SLC22A23: variants seen among roughly 807,000 people sequenced by gnomAD.
SLC22A23 encodes ion transporter protein.
Under a neutral mutation model 61.0 loss-of-function variants are expected in SLC22A23, and 26 were observed. The ratio of observed to expected loss-of-function variants is 0.43; its 90% CI spans 0.31 to 0.59. The LOEUF (loss-of-function observed/expected upper bound fraction) is 0.59, where lower values mean the gene tolerates loss of function less well. SLC22A23 is among the 20% of genes least tolerant of loss of function. The pLI, the probability that SLC22A23 is intolerant of heterozygous loss-of-function variation, is 0.11. For synonymous variants in SLC22A23, 430 were observed against 413.9 expected (o/e 1.04, Z -0.47); for missense variants, 796 against 934.7 (o/e 0.85, Z 1.94).
At chr6:3,448,177 A>G (rs933822830) in intron 1 of SLC22A23, among the ~76,000 whole-genome samples, 1 of 152,118 alleles carries the variant, frequency 6.6e-6, no homozygotes, top group African/African-American at 2.4e-5. Context: ...TGCTGGGATT[A>G]CAGGCGTGAG....
At chr6:3,442,239 G>C (rs535598713) in intron 1 of SLC22A23, among the ~76,000 whole-genome samples, 76 of 152,286 alleles carry the variant, frequency 5.0e-4, no homozygotes, top group African/African-American at 1.8e-3. Context: ...AGAGGCAGAA[G>C]GTAGCGTGGG....
intron 3 of SLC22A23, among the ~76,000 whole-genome samples, chr6:3,408,001 G>T (rs1768949505): frequency 6.6e-6 from 1 of 152,162 alleles, no homozygotes; most frequent in East Asian, 1.9e-4. Context: ...TGGCCCACTG[G>T]CCAAATTTGG....
At position 3,360,247 on chromosome 6, in the gene SLC22A23, A is replaced by G. The variant is rs1261697785; in HGVS notation, c.914-36245T>C. Among the ~76,000 whole-genome samples the G allele has an allele frequency of 6.6e-6, 1 of 152,214 alleles. No homozygotes were observed. The highest frequency in any genetic ancestry group is 1.5e-5 in the Non-Finnish European group (1 of 68,040). ...AATGGTACAATTAAAAGTAGTTAAA[A>G]TGGTAATTTTTATGCTATGTTTATT... On this transcript the variant is annotated intron_variant, in intron 3 of 9. Transcript: ENST00000406686. The surrounding 1 kb of genome is among the most constrained non-coding windows in gnomAD (Gnocchi z 4.6).
chr6:3,445,096 C>A (rs186563625), intron 1 of SLC22A23: 1 of 443,842 alleles, frequency 2.3e-6, no homozygotes, highest in Non-Finnish European at 3.0e-6. Context: ...CAGCACTGAC[C>A]GCATTCTACC....
chr6:3,301,699 G>C (rs979226551), intron 4 of SLC22A23, among the ~76,000 whole-genome samples: 1 of 152,238 alleles, frequency 6.6e-6, no homozygotes, highest in Non-Finnish European at 1.5e-5. Context: ...TGAGGGCGCA[G>C]GTGGTGTGAA....
At position 3,455,997 on chromosome 6, in the gene SLC22A23, G is replaced by A. The variant is rs764121730; in HGVS notation, c.563C>T (p.Pro188Leu). 4.5e-6 allele frequency: 7 copies of A among 1,547,144 alleles called. No homozygotes were observed. Among genetic ancestry groups the A allele is most frequent in the Non-Finnish European group, 6.1e-6 (7 of 1,146,748 alleles). Residue 188 changes from proline (P) to leucine (L), a missense_variant, in exon 1 of 10, where the codon CCT becomes CTT. Coordinates refer to ENST00000406686, the MANE Select transcript of SLC22A23 (RefSeq NM_015482.2). ...DGGDTPPLPS[P>L]PDKGDNASNC... ...GGAGGCGTTGTCCCCCTTGTCCGGAGGGGATGGCAGGGGTGGTGTGTCGCC... is the reference window on the plus strand; with the variant it reads ...GGAGGCGTTGTCCCCCTTGTCCGGAAGGGATGGCAGGGGTGGTGTGTCGCC...
At chr6:3,365,279 G>A (rs773150260) in intron 3 of SLC22A23, among the ~76,000 whole-genome samples, 12 of 152,090 alleles carry the variant, frequency 7.9e-5, no homozygotes, top group Non-Finnish European at 8.8e-5. Flanking sequence ...CCAAGATCAC[G>A]CCACTGCACT....
intron 9 of SLC22A23, chr6:3,283,516 A>G: frequency 2.9e-6 from 1 of 347,716 alleles, no homozygotes; most frequent in Admixed American, 3.9e-5. Flanking sequence ...CAGAGTTGGC[A>G]GCACAGGTTC....
chr6:3,362,018 C>T lies in SLC22A23; in HGVS notation c.914-38016G>A, dbSNP rs571730044. Among the ~76,000 whole-genome samples, 21 of 152,312 alleles carry T rather than the reference C, an allele frequency of 1.4e-4. 1 individual carries two copies. The South Asian group carries it at 4.1e-3, about 30-fold the overall frequency. On this transcript the variant is annotated intron_variant, in intron 3 of 9. Transcript: ENST00000406686. Reference sequence around the variant, plus strand: ...AGGAAACCTATCAGATCATTCTATACACCTTCCCTTCAGATTCATGTGCTT... The same window carrying T: ...AGGAAACCTATCAGATCATTCTATATACCTTCCCTTCAGATTCATGTGCTT...
Position 3,272,482 on chromosome 6 carries a change from A to C in SLC22A23, c.*573T>G, listed in dbSNP as rs969457637. The C allele has an allele frequency of 6.5e-6, 1 of 152,752 alleles. No individual in the cohort carries two copies. The highest frequency in any genetic ancestry group is 2.4e-5 in the African/African-American group (1 of 41,452). 9.5% of individuals were successfully genotyped at this position (152,752 alleles called of 1,614,324 possible). Reference sequence around the variant, plus strand: ...AGCTGCTTTCCCTGCACACGAACAGAAGCTCTTACCTTACAAACAGAAAGG... The same window carrying C: ...AGCTGCTTTCCCTGCACACGAACAGCAGCTCTTACCTTACAAACAGAAAGG... On this transcript the variant is annotated 3_prime_UTR_variant, in exon 10 of 10. Transcript: ENST00000406686.
intron 5 of SLC22A23, 51 bp downstream of exon 5, chr6:3,298,040 G>A: frequency 1.4e-6 from 2 of 1,451,196 alleles, no homozygotes; most frequent in South Asian, 1.6e-5. Flanking sequence ...AGGTGTCAGG[G>A]ACCTGCCCCG....
At chr6:3,287,288 GCTT>G (rs1479904854) in intron 6 of SLC22A23, among the ~76,000 whole-genome samples, 197 bp from the exon 7 acceptor site, 3 of 152,266 alleles carry the variant, frequency 2.0e-5, no homozygotes, top group South Asian at 2.1e-4. Context: ...AATATGGAAT[GCTT>G]CTCCTGATGG....
intron 4 of SLC22A23, among the ~76,000 whole-genome samples, chr6:3,303,766 T>C (rs1761783555): frequency 6.6e-6 from 1 of 152,202 alleles, no homozygotes; most frequent in Non-Finnish European, 1.5e-5. Flanking sequence ...ATAGGAGGAA[T>C]ATGTTCTAGT....
chr6:3,369,055 T>C (rs988185825), intron 3 of SLC22A23, among the ~76,000 whole-genome samples: 1 of 152,186 alleles, frequency 6.6e-6, no homozygotes, highest in Non-Finnish European at 1.5e-5. Flanking sequence ...GTTTACTTTT[T>C]TTTTTTTTAT....
chr6:3,357,084 A>G (rs986324376), intron 3 of SLC22A23, among the ~76,000 whole-genome samples: 6 of 135,866 alleles, frequency 4.4e-5, no homozygotes, highest in Non-Finnish European at 8.1e-5. Flanking sequence ...AAAAAAAAAA[A>G]CCCAAAACAA....
In SLC22A23 at chr6:3,427,784, AGT is replaced by A. The variant is rs1770597647; in HGVS notation, c.655-11931_655-11930del. On this transcript the variant is annotated intron_variant, in intron 1 of 9. Transcript: ENST00000406686. This position sits in a 1 kb window ranked among gnomAD's most constrained non-coding sequence, Gnocchi z 4.3. ...AGCTGACAACACGATTACACCCAAG[AGT>A]GTGTTTTTATTTTCTTCCTTTGAAC... Among the ~76,000 whole-genome samples the A allele has an allele frequency of 6.6e-6, 1 of 152,354 alleles. No individual in the cohort carries two copies. Among genetic ancestry groups the A allele is most frequent in the South Asian group, 2.1e-4 (1 of 4,826 alleles).
chr6:3,293,568 A>G (rs915031611), intron 5 of SLC22A23, among the ~76,000 whole-genome samples: 2 of 152,260 alleles, frequency 1.3e-5, no homozygotes, highest in African/African-American at 4.8e-5. Flanking sequence ...CTGACCGGGC[A>G]CTGCCGACCT....
At position 3,410,200 on chromosome 6, in the gene SLC22A23, A is replaced by C; in HGVS notation, c.901T>G (p.Leu301Val). ...GFCLAGIILT[L>V]YALRIELCPP... is the part of the protein sequence containing the mutation. ...GGCTCCTACTTACGTAAAGCATACA[A>C]GGTGAGAATGATTCCAGCCAGGCAA... The change falls in exon 3 of 10, where the codon TTG becomes GTG. Residue 301 changes from leucine (L) to valine (V), a missense_variant. Leu to Val is a conservative substitution (Grantham distance 32, BLOSUM62 1). Transcript: ENST00000406686. This position sits in a 1 kb window ranked among gnomAD's most constrained non-coding sequence, Gnocchi z 5.0. The C allele has an allele frequency of 6.2e-7, 1 of 1,612,604 alleles. No individual in the cohort carries two copies. Among genetic ancestry groups the C allele is most frequent in the Non-Finnish European group, 8.5e-7 (1 of 1,179,548 alleles).
At chr6:3,399,313 G>T (rs1459332724) in intron 3 of SLC22A23, among the ~76,000 whole-genome samples, 1 of 152,210 alleles carries the variant, frequency 6.6e-6, no homozygotes, top group African/African-American at 2.4e-5. Context: ...CATGGATTTT[G>T]GGCCAGCAAT....
Sources: allele counts gnomAD v4.1 joint callset (sites outside exome capture counted in the v4.1 genomes callset), GRCh38; gene constraint gnomAD v4.1.1; non-coding constraint Gnocchi (gnomAD v3.1); transcripts MANE v1.5; gene names NCBI Gene and HGNC (gene_info 2026-07-23, HGNC 2026-07-21).